Variants in ZNF609 observed in about 807,000 individuals in gnomAD.
ZNF609 encodes zinc finger protein 609.
In ZNF609, 11 loss-of-function variants were observed where a neutral mutation model predicts 109.5. The ratio of observed to expected loss-of-function variants is 0.10; its 90% confidence interval spans 0.06 to 0.17. ZNF609 has a LOEUF of 0.17. Among genes scored for constraint, ZNF609 ranks in the 10% least tolerant of loss-of-function variants. The probability of loss-of-function intolerance (pLI) is 1.00; values close to 1 mark genes in which losing one functional copy is unlikely to be tolerated. For missense variants in ZNF609, 1,559 were observed against 1,772.4 expected (o/e 0.88, Z 2.16); for synonymous variants, 646 against 662.0 (o/e 0.98, Z 0.37).
intron 4 of ZNF609, among the ~76,000 whole-genome samples, chr15:64,673,057 G>GA (rs1896759421): frequency 6.6e-6 from 1 of 152,124 alleles, no homozygotes; most frequent in Non-Finnish European, 1.5e-5. Flanking sequence ...AAACCTATTG[G>GA]AAGGACTTAT....
At chr15:64,472,035 C>T (rs1566992439) in intron 1 of ZNF609, among the ~76,000 whole-genome samples, 1 of 151,922 alleles carries the variant, frequency 6.6e-6, no homozygotes, top group South Asian at 2.1e-4. Context: ...CTCAGCCTCC[C>T]GAGTAGCTGG....
intron 1 of ZNF609, among the ~76,000 whole-genome samples, chr15:64,469,059 AC>A (rs1324883058): frequency 0.011 from 607 of 54,262 alleles, 1 homozygote; most frequent in South Asian, 0.024. Context: ...AAAAAAAACA[AC>A]ACAATTCAGC....
At chr15:64,624,862 C>T (rs1215690864) in intron 3 of ZNF609, among the ~76,000 whole-genome samples, 3 of 149,792 alleles carry the variant, frequency 2.0e-5, no homozygotes, top group East Asian at 2.0e-4. Flanking sequence ...CAGGTTCAAG[C>T]GATTCTTCTC....
chr15:64,618,419 A>C lies in ZNF609; in HGVS notation c.748-4408A>C, dbSNP rs75249220. On this transcript the variant is annotated intron_variant, in intron 2 of 9. Coordinates refer to ENST00000326648, the MANE Select transcript of ZNF609 (RefSeq NM_015042.2). Reference sequence around the variant, plus strand: ...TGAAGCCCCAGTGGGTGTGTGTTACAGGGTGCTCTTTTAGTTTAGCTGTCC... The same window carrying C: ...TGAAGCCCCAGTGGGTGTGTGTTACCGGGTGCTCTTTTAGTTTAGCTGTCC... Among the ~76,000 whole-genome samples, 548 of 152,248 alleles carry C rather than the reference A, an allele frequency of 3.6e-3. 10 individuals are homozygous for C. The East Asian group carries it at 0.038, about 11-fold the overall frequency.
intron 1 of ZNF609, among the ~76,000 whole-genome samples, chr15:64,472,635 C>A (rs544743957): frequency 2.3e-4 from 35 of 152,190 alleles, no homozygotes; most frequent in African/African-American, 8.2e-4. Flanking sequence ...GAGGCCGAGG[C>A]TGGAGGATCA....
chr15:64,574,860 G>A (rs1483920529), intron 2 of ZNF609, among the ~76,000 whole-genome samples: 1 of 152,152 alleles, frequency 6.6e-6, no homozygotes, highest in African/African-American at 2.4e-5. Flanking sequence ...CTAGGGATGG[G>A]TGAACATCTG....
chr15:64,551,754 C>G (rs570195713), intron 2 of ZNF609, among the ~76,000 whole-genome samples: 1 of 149,690 alleles, frequency 6.7e-6, no homozygotes, highest in South Asian at 2.2e-4. Context: ...GCAGTGAGAA[C>G]TTACACATTT....
At chr15:64,658,325 G>A (rs1896521213) in intron 3 of ZNF609, among the ~76,000 whole-genome samples, 2 of 152,012 alleles carry the variant, frequency 1.3e-5, no homozygotes, top group African/African-American at 4.8e-5. Context: ...AGCCTCCCGA[G>A]TAGCTGGGAT....
At chr15:64,561,234 G>C (rs1160982106) in intron 2 of ZNF609, among the ~76,000 whole-genome samples, 3 of 151,876 alleles carry the variant, frequency 2.0e-5, no homozygotes, top group African/African-American at 7.3e-5. Flanking sequence ...CTATTACTTT[G>C]TTTTGTTTTA....
intron 2 of ZNF609, among the ~76,000 whole-genome samples, chr15:64,537,503 A>AC (rs1387509293): frequency 7.7e-6 from 1 of 129,766 alleles, no homozygotes; most frequent in Admixed American, 7.6e-5. Context: ...ACTCTGTCTC[A>AC]AAAAAAAAAA....
rs555997394 is a variant in ZNF609 at position 64,542,305 on chromosome 15, C to T, written c.747+42139C>T. ...TGGGCCTCTTGGGCAAAACTATAGACGTAATTTTGCCTGAATCTATTTGGA... is the reference window on the plus strand; with the variant it reads ...TGGGCCTCTTGGGCAAAACTATAGATGTAATTTTGCCTGAATCTATTTGGA... On this transcript the variant is annotated intron_variant, in intron 2 of 9. Transcript: ENST00000326648. Among the ~76,000 whole-genome samples the T allele has an allele frequency of 3.4e-4, 52 of 152,210 alleles. 1 individual carries two copies. Among genetic ancestry groups the T allele is most frequent in the African/African-American group, 1.1e-3 (44 of 41,528 alleles).
At chr15:64,582,953 G>A (rs1370177350) in intron 2 of ZNF609, among the ~76,000 whole-genome samples, 3 of 148,782 alleles carry the variant, frequency 2.0e-5, no homozygotes, top group East Asian at 2.0e-4. Context: ...GGGTTTCACC[G>A]TGTTAGCCAG....
At position 64,508,684 on chromosome 15, in the gene ZNF609, A is replaced by AT. The variant is rs1160116983; in HGVS notation, c.747+8540dup. 1.4e-3 allele frequency among the ~76,000 whole-genome samples: 180 copies of AT among 130,522 alleles called. 1 individual carries two copies. Among genetic ancestry groups the AT allele is most frequent in the African/African-American group, 4.1e-3 (142 of 34,482 alleles). 85.6% of individuals were successfully genotyped at this position (130,522 alleles called of 152,430 possible). On this transcript the variant is annotated intron_variant, in intron 2 of 9. Transcript: ENST00000326648. ...AAACTCTAGGCTTGAGACCCAGAAA[A>AT]TTTTTTTTTTTTTTTTTTTTTTGAG... is the stretch of plus-strand genomic sequence containing the variant.
At chr15:64,466,404 C>T (rs1420517934) in intron 1 of ZNF609, among the ~76,000 whole-genome samples, 1 of 152,188 alleles carries the variant, frequency 6.6e-6, no homozygotes, top group Non-Finnish European at 1.5e-5. Context: ...AACACATACA[C>T]ACACGACCTA....
At chr15:64,536,074 C>T (rs1894137349) in intron 2 of ZNF609, among the ~76,000 whole-genome samples, 1 of 151,914 alleles carries the variant, frequency 6.6e-6, no homozygotes, top group Non-Finnish European at 1.5e-5. Flanking sequence ...GACAGGGTCT[C>T]ACTCTGTGGC....
Position 64,674,675 on chromosome 15 carries a change from T to G in ZNF609, c.1821T>G (p.Asp607Glu), listed in dbSNP as rs756454849. ...GDTDLGALSN[D>E]GSDDGPSVMD... Reference sequence around the variant, plus strand: ...CAGACCTTGGGGCCTTATCCAATGATGGCTCTGATGATGGACCCTCAGTGA... The same window carrying G: ...CAGACCTTGGGGCCTTATCCAATGAGGGCTCTGATGATGGACCCTCAGTGA... The change falls in exon 5 of 10, where the codon GAT (aspartate) becomes GAG (glutamate). Residue 607 changes from aspartate (D) to glutamate (E), a missense_variant. Physicochemically the swap from Asp to Glu is conservative, Grantham distance 45. Around this residue, in one of 4 missense-constraint regions of ZNF609, gnomAD observed 1,204 missense variants for 1,314.1 expected, o/e 0.92. Transcript: ENST00000326648. 1.2e-5 allele frequency: 19 copies of G among 1,614,084 alleles called. No homozygotes were observed. The highest frequency in any genetic ancestry group is 1.5e-5 in the Non-Finnish European group (18 of 1,180,058).
At chr15:64,460,546 C>A (rs182972762), upstream of ZNF609, among the ~76,000 whole-genome samples, 3 of 152,110 alleles carry the variant, frequency 2.0e-5, no homozygotes, top group Non-Finnish European at 4.4e-5. Context: ...GAGGGCCTGG[C>A]AGTCCAGTGT....
intron 2 of ZNF609, among the ~76,000 whole-genome samples, chr15:64,592,767 A>C (rs1895323084): frequency 6.6e-6 from 1 of 151,286 alleles, no homozygotes; most frequent in Non-Finnish European, 1.5e-5. Context: ...AAAAAAAAAA[A>C]AAAAAAAATT....
At chr15:64,620,830 C>T (rs1472089826) in intron 2 of ZNF609, among the ~76,000 whole-genome samples, 1 of 152,114 alleles carries the variant, frequency 6.6e-6, no homozygotes, top group African/African-American at 2.4e-5. Context: ...CAGACCTCAG[C>T]CTATAGGCTA....
Sources: allele counts gnomAD v4.1 joint callset (sites outside exome capture counted in the v4.1 genomes callset), GRCh38; gene constraint gnomAD v4.1.1; regional missense constraint gnomAD v4.1.1; transcripts MANE v1.5; gene names NCBI Gene and HGNC (gene_info 2026-07-23, HGNC 2026-07-21).